ATG9A: variants seen among roughly 807,000 people sequenced by gnomAD.
ATG9A encodes the protein autophagy related 9A.
In ATG9A, 21 loss-of-function variants were observed where a neutral mutation model predicts 87.1. The ratio of observed to expected loss-of-function variants is 0.24; its 90% confidence interval spans 0.17 to 0.35. The LOEUF (loss-of-function observed/expected upper bound fraction) is 0.35. ATG9A is among the 10% of genes least tolerant of loss of function. The pLI is 1.00. For synonymous variants in ATG9A, 422 were observed against 441.3 expected (o/e 0.96, Z 0.55); for missense variants, 836 against 1,107.3 (o/e 0.76, Z 3.48).
Position 219,225,039 on chromosome 2 carries a change from T to C in ATG9A, c.516+32A>G, listed in dbSNP as rs373139092. 601 of 1,613,288 alleles carry C rather than the reference T, an allele frequency of 3.7e-4. 1 individual carries two copies. In the African/African-American group the frequency reaches 7.2e-3, roughly 19 times the overall value. ...CCACACCTCCCAATACGTCTTAGAC[T>C]ATGGGCTAACTGCCCAACTTCCCAG... On this transcript the variant is annotated intron_variant, in intron 7 of 15. Transcript: ENST00000361242.
In ATG9A at chr2:219,222,993, C is replaced by T. The variant is rs1950792021; in HGVS notation, c.1600-100G>A. On this transcript the variant is annotated intron_variant, in intron 10 of 15. Transcript: ENST00000361242. This position sits in a 1 kb window ranked among gnomAD's most constrained non-coding sequence, Gnocchi z 4.3. ...AGGCCTTACCCTTGGAGAACGGAGACCACAGTATACTGTCAATCTTTCCCA... is the reference window on the plus strand; with the variant it reads ...AGGCCTTACCCTTGGAGAACGGAGATCACAGTATACTGTCAATCTTTCCCA... The T allele has an allele frequency of 6.8e-7, 1 of 1,464,050 alleles. No individual in the cohort carries two copies. The highest frequency in any genetic ancestry group is 1.3e-5 in the South Asian group (1 of 78,474). 90.7% of individuals were successfully genotyped at this position (1,464,050 alleles called of 1,614,324 possible). A position where few individuals can be genotyped will look rare whatever the true frequency, so the allele number is the denominator to read the frequency against.
rs1574828592 is a variant in ATG9A at position 219,223,115 on chromosome 2, T to G, written c.1600-222A>C. On this transcript the variant is annotated intron_variant, in intron 10 of 15. Coordinates refer to ENST00000361242, the MANE Select transcript of ATG9A (RefSeq NM_001077198.3). The surrounding 1 kb of genome is among the most constrained non-coding windows in gnomAD (Gnocchi z 4.7). The stretch of plus-strand genomic sequence containing the variant: ...TTTTTTTTTTTTTTTTGAGATGGAG[T>G]CTCGCTCTGTCGCCCAGGCTGGATT... Among the ~76,000 whole-genome samples the G allele has an allele frequency of 7.3e-6, 1 of 137,798 alleles. No homozygotes were observed. The highest frequency in any genetic ancestry group is 7.7e-5 in the Admixed American group (1 of 13,014). The allele number at this position is 137,798 out of a possible 152,430, so 90.4% of individuals were successfully genotyped here. A position where few individuals can be genotyped will look rare whatever the true frequency, so the allele number is the denominator to read the frequency against.
chr2:219,224,132 G>A lies in ATG9A; in HGVS notation c.1239C>T (p.Leu413=), dbSNP rs757746159. ...AVEHVLTTVT[L]LGVTVTVCRS... The stretch of plus-strand genomic sequence containing the variant: ...TGCACACGGTCACGGTGACCCCCAG[G>A]AGTGTGACGGTGGTCAGCACATGTT... The change falls in exon 8 of 16, where the codon CTC becomes CTT. Residue 413 remains leucine (L), a synonymous_variant. Coordinates refer to ENST00000361242, the MANE Select transcript of ATG9A (RefSeq NM_001077198.3). The surrounding 1 kb of genome is among the most constrained non-coding windows in gnomAD (Gnocchi z 7.7). 8 of 1,613,696 alleles carry A rather than the reference G, an allele frequency of 5.0e-6. No homozygotes were observed. The South Asian group carries it at 7.7e-5, about 16-fold the overall frequency.
Position 219,225,430 on chromosome 2 carries a change from C to T in ATG9A, c.355G>A (p.Ala119Thr), listed in dbSNP as rs771945691. The T allele has an allele frequency of 6.2e-7, 1 of 1,614,102 alleles. No individual in the cohort carries two copies. Among genetic ancestry groups the T allele is most frequent in the East Asian group, 2.2e-5 (1 of 44,886 alleles). ...KVTLPDAFLP[A>T]QVCSARIQEN... ...CCTTACCTGGCACTACAGACTTGAG[C>T]AGGCAAAAAGGCGTCTGGCAGAGTG... is the stretch of plus-strand genomic sequence containing the variant. Residue 119 changes from alanine to threonine, a missense_variant, in exon 6 of 16, where the codon GCT becomes ACT. By Grantham distance (58) the Ala-to-Thr change is moderately conservative. Around this residue, in one of 2 missense-constraint regions of ATG9A, gnomAD observed 512 missense variants for 759.6 expected, o/e 0.67. Coordinates refer to ENST00000361242, the MANE Select transcript of ATG9A (RefSeq NM_001077198.3).
Position 219,220,294 on chromosome 2 carries a change from G to A in ATG9A, c.*153C>T, listed in dbSNP as rs757539098. 133 of 1,026,722 alleles carry A rather than the reference G, an allele frequency of 1.3e-4. No homozygotes were observed. The highest frequency in any genetic ancestry group is 3.2e-4 in the Middle Eastern group (1 of 3,112). The allele number at this position is 1,026,722 out of a possible 1,614,324, so 63.6% of individuals were successfully genotyped here. A position where few individuals can be genotyped will look rare whatever the true frequency, so the allele number is the denominator to read the frequency against. On this transcript the variant is annotated 3_prime_UTR_variant, in exon 16 of 16. Transcript: ENST00000361242. ...CTCTCCTGGGGCTGTGGCAAGCCCA[G>A]TGTTGGCACCTCCCTTGGCCAGGCA...
Position 219,220,907 on chromosome 2 carries a change from A to G in ATG9A, c.2369-15T>C. 3 of 1,612,862 alleles carry G rather than the reference A, an allele frequency of 1.9e-6. No individual in the cohort carries two copies. Among genetic ancestry groups the G allele is most frequent in the Non-Finnish European group, 2.5e-6 (3 of 1,179,764 alleles). On this transcript the variant is annotated splice_polypyrimidine_tract_variant and intron_variant, in intron 14 of 15. Coordinates refer to ENST00000361242, the MANE Select transcript of ATG9A (RefSeq NM_001077198.3). The stretch of plus-strand genomic sequence containing the variant: ...TGTGCCAGGATCTGGAGAGACAAGT[A>G]AGAGTAAGCATACTCATAGAAGGAA...
Position 219,223,156 on chromosome 2 carries a change from C to T in ATG9A, c.1600-263G>A, listed in dbSNP as rs1417099884. 2.7e-5 allele frequency among the ~76,000 whole-genome samples: 4 copies of T among 149,144 alleles called. No homozygotes were observed. Among genetic ancestry groups the T allele is most frequent in the South Asian group, 2.1e-4 (1 of 4,748 alleles). ...AGGCTGGATTGCAGTGGCGTGATCT[C>T]GGCTCACTGCAAGCTCCGCCTCCCA... On this transcript the variant is annotated intron_variant, in intron 10 of 15. Coordinates refer to ENST00000361242, the MANE Select transcript of ATG9A (RefSeq NM_001077198.3). This position sits in a 1 kb window ranked among gnomAD's most constrained non-coding sequence, Gnocchi z 4.7.
chr2:219,228,721 G>C (rs1950925328), intron 1 of ATG9A: 1 of 152,284 alleles, frequency 6.6e-6, no homozygotes, highest in Non-Finnish European at 1.5e-5. Flanking sequence ...CATGGAGAAT[G>C]AGTGGGTACA....
chr2:219,225,568 A>G lies in ATG9A; in HGVS notation c.217T>C (p.Phe73Leu), dbSNP rs561560814. 35 of 1,613,992 alleles carry G rather than the reference A, an allele frequency of 2.2e-5. No homozygotes were observed. The South Asian group carries it at 3.7e-4, about 17-fold the overall frequency. Residue 73 changes from phenylalanine (F) to leucine (L), a missense_variant, in exon 6 of 16, where the codon TTC becomes CTC. Physicochemically the swap from Phe to Leu is conservative, Grantham distance 22. Coordinates refer to ENST00000361242, the MANE Select transcript of ATG9A (RefSeq NM_001077198.3). ...GTAGTGAAGGCAACCACAAAGAGGA[A>G]CTGCCTGGGGAGTTGGGAAGAAGGG... ...LIGEIFELMQ[F>L]LFVVAFTTFL...
In ATG9A at chr2:219,229,037, G is replaced by T. The variant is rs930032068; in HGVS notation, c.-82+498C>A. 1.3e-5 allele frequency: 2 copies of T among 152,300 alleles called. No homozygotes were observed. The highest frequency in any genetic ancestry group is 4.8e-5 in the African/African-American group (2 of 41,446). The allele number at this position is 152,300 out of a possible 1,614,324, so 9.4% of individuals were successfully genotyped here. A position where few individuals can be genotyped will look rare whatever the true frequency, so the allele number is the denominator to read the frequency against. On this transcript the variant is annotated intron_variant, in intron 1 of 15. Transcript: ENST00000361242. The surrounding 1 kb of genome is among the most constrained non-coding windows in gnomAD (Gnocchi z 4.2). ...GTCCGTGCAGCCCCTGGGGGCCGTG[G>T]ATCTTGGCCCAGCCTGGCCCCGGTG...
Position 219,219,563 on chromosome 2 carries a change from G to C in ATG9A, c.*884C>G, listed in dbSNP as rs1413040787. ...TGCAGCAGCCCAAAGCCTCGGGCGA[G>C]GCATCGCCCTTCATCCCCCTTCAGG... On this transcript the variant is annotated 3_prime_UTR_variant, in exon 16 of 16. Coordinates refer to ENST00000361242, the MANE Select transcript of ATG9A (RefSeq NM_001077198.3). 6.5e-6 allele frequency: 1 copy of C among 152,738 alleles called. No homozygotes were observed. Among genetic ancestry groups the C allele is most frequent in the African/African-American group, 2.4e-5 (1 of 41,472 alleles). The allele number at this position is 152,738 out of a possible 1,614,324, so 9.5% of individuals were successfully genotyped here.
rs1412836284 is a variant in ATG9A at position 219,220,371 on chromosome 2, T to C, written c.*76A>G. The C allele has an allele frequency of 1.3e-6, 2 of 1,570,616 alleles. No individual in the cohort carries two copies. Among genetic ancestry groups the C allele is most frequent in the Non-Finnish European group, 1.7e-6 (2 of 1,143,408 alleles). On this transcript the variant is annotated 3_prime_UTR_variant, in exon 16 of 16. Transcript: ENST00000361242. ...GGCCAGGGAACACTCAGAGGAGCCG[T>C]CCCATGGCAGGCAGACGGGATGGCA...
At chr2:219,221,981 G>A in intron 13 of ATG9A, 69 bp downstream of exon 13, 9 of 1,394,262 alleles carry the variant, frequency 6.5e-6, no homozygotes, top group Non-Finnish European at 6.9e-6. Flanking sequence ...TGGCAGAGAA[G>A]GGTTTGGAAC....
In ATG9A at chr2:219,221,184, G is replaced by T; in HGVS notation, c.2264C>A (p.Ser755Tyr). ...EGGEGARAPQ[S>Y]IPRSASYPCA... ...GGGATAGCTAGCAGAGCGAGGGATA[G>T]ACTGGGGGGCCCGGGCGCCCTCTCC... Residue 755 changes from serine (S) to tyrosine (Y), a missense_variant, in exon 14 of 16, where the codon TCT (serine) becomes TAT (tyrosine). By Grantham distance (144) the Ser-to-Tyr change is moderately radical. This residue lies in a region of ATG9A where 324 missense variants were observed against 347.6 expected (regional missense o/e 0.93). Coordinates refer to ENST00000361242, the MANE Select transcript of ATG9A (RefSeq NM_001077198.3). 1 of 1,599,738 alleles carries T rather than the reference G, an allele frequency of 6.3e-7. No individual in the cohort carries two copies. The highest frequency in any genetic ancestry group is 8.5e-7 in the Non-Finnish European group (1 of 1,173,212).
chr2:219,224,866 G>A lies in ATG9A; in HGVS notation c.517-12C>T. 6.6e-7 allele frequency: 1 copy of A among 1,513,850 alleles called. No individual in the cohort carries two copies. The highest frequency in any genetic ancestry group is 8.9e-7 in the Non-Finnish European group (1 of 1,122,112). 93.8% of individuals were successfully genotyped at this position (1,513,850 alleles called of 1,614,324 possible). A position where few individuals can be genotyped will look rare whatever the true frequency, so the allele number is the denominator to read the frequency against. The stretch of plus-strand genomic sequence containing the variant: ...TACGGAAGGGCAGACTGCGGGGTGG[G>A]GTGGGGAAGAGACAAGGTACGGAAG... On this transcript the variant is annotated splice_polypyrimidine_tract_variant and intron_variant, in intron 7 of 15. Transcript: ENST00000361242. The surrounding 1 kb of genome is among the most constrained non-coding windows in gnomAD (Gnocchi z 7.7).
Position 219,223,781 on chromosome 2 carries a change from A to G in ATG9A, c.1420-17T>C. On this transcript the variant is annotated splice_polypyrimidine_tract_variant and intron_variant, in intron 9 of 15. Coordinates refer to ENST00000361242, the MANE Select transcript of ATG9A (RefSeq NM_001077198.3). The surrounding 1 kb of genome is among the most constrained non-coding windows in gnomAD (Gnocchi z 4.7). ...AATGAACACCTAAAAGGGCGGGACC[A>G]AGGTCACAAGCGAGCAGGAGGGAGC... is the stretch of plus-strand genomic sequence containing the variant. 6.2e-7 allele frequency: 1 copy of G among 1,613,620 alleles called. No individual in the cohort carries two copies. The highest frequency in any genetic ancestry group is 8.5e-7 in the Non-Finnish European group (1 of 1,179,800).
chr2:219,226,662 G>A (rs993713341), intron 5 of ATG9A, among the ~76,000 whole-genome samples: 7 of 152,050 alleles, frequency 4.6e-5, no homozygotes, highest in South Asian at 4.1e-4. Context: ...CTGCCTGGGC[G>A]ACAGAGTGAG....
Position 219,223,305 on chromosome 2 carries a change from G to A in ATG9A, c.1599+280C>T, listed in dbSNP as rs1371978461. Among the ~76,000 whole-genome samples, 3 of 152,064 alleles carry A rather than the reference G, an allele frequency of 2.0e-5. No individual in the cohort carries two copies. Among genetic ancestry groups the A allele is most frequent in the Non-Finnish European group, 2.9e-5 (2 of 68,020 alleles). Reference sequence around the variant, plus strand: ...GGGTTTCACCGTGTTAGCCAGGATGGTCTCGATCTCCTGACCTCGTGATCC... The same window carrying A: ...GGGTTTCACCGTGTTAGCCAGGATGATCTCGATCTCCTGACCTCGTGATCC... On this transcript the variant is annotated intron_variant, in intron 10 of 15. Transcript: ENST00000361242. The surrounding 1 kb of genome is among the most constrained non-coding windows in gnomAD (Gnocchi z 4.7).
At chr2:219,220,936 A>C in intron 14 of ATG9A, 44 bp from the exon 15 acceptor site, 1 of 1,601,942 alleles carries the variant, frequency 6.2e-7, no homozygotes, top group Non-Finnish European at 8.5e-7. Context: ...GAAGGAACAC[A>C]AGAATGAGGA....
Sources: allele counts gnomAD v4.1 joint callset (sites outside exome capture counted in the v4.1 genomes callset), GRCh38; gene constraint gnomAD v4.1.1; regional missense constraint gnomAD v4.1.1; non-coding constraint Gnocchi (gnomAD v3.1); transcripts MANE v1.5; gene names NCBI Gene and HGNC (gene_info 2026-07-23, HGNC 2026-07-21).